Variants in CACNA1I observed in about 807,000 individuals in gnomAD.
CACNA1I encodes the protein voltage-dependent T-type calcium channel subunit alpha-1I.
A neutral mutation model predicts 201.6 loss-of-function variants in CACNA1I; 74 were observed. The observed-to-expected ratio is 0.37, with a 90% confidence interval of 0.30 to 0.45. The LOEUF is 0.45. CACNA1I is among the 20% of genes least tolerant of loss of function. The pLI is 1.00. For synonymous variants in CACNA1I, 1,431 were observed against 1,345.2 expected (o/e 1.06, Z -1.40); for missense variants, 2,346 against 3,138.1 (o/e 0.75, Z 6.03).
rs1020789928 is a variant in CACNA1I, at chr22:39,676,532, G to A, written c.4855-809G>A. 7.9e-5 allele frequency among the ~76,000 whole-genome samples: 12 copies of A among 152,214 alleles called. No individual in the cohort carries two copies. The highest frequency in any genetic ancestry group is 2.9e-4 in the African/African-American group (12 of 41,450). ...TAGCCTTATCTTATCCATAGCATGA[G>A]TTAAAGGTGGTCTCCAATGCATGGA... On this transcript the variant is annotated intron_variant, in intron 29 of 36. Coordinates refer to ENST00000402142, the MANE Select transcript of CACNA1I (RefSeq NM_021096.4). The surrounding 1 kb of genome is among the most constrained non-coding windows in gnomAD (Gnocchi z 4.8).
intron 26 of CACNA1I, among the ~76,000 whole-genome samples, 193 bp downstream of exon 26, chr22:39,671,147 G>A (rs1375165593): frequency 6.6e-6 from 1 of 152,212 alleles, no homozygotes; most frequent in Non-Finnish European, 1.5e-5. Context: ...GAAGCTCAGA[G>A]TCTGGAAGGG....
Position 39,629,106 on chromosome 22 carries a change from C to A in CACNA1I, c.581-5459C>A, listed in dbSNP as rs1390193330. 1.3e-5 allele frequency among the ~76,000 whole-genome samples: 2 copies of A among 152,226 alleles called. No individual in the cohort carries two copies. The highest frequency in any genetic ancestry group is 4.8e-5 in the African/African-American group (2 of 41,540). ...AGCAGAGGCTCTAGCCTAGGGGTCC[C>A]CAAAAAGGGTGAGCAGCTCCATCCA... is the stretch of plus-strand genomic sequence containing the variant. On this transcript the variant is annotated intron_variant, in intron 4 of 36. Transcript: ENST00000402142. This position sits in a 1 kb window ranked among gnomAD's most constrained non-coding sequence, Gnocchi z 4.8.
chr22:39,632,362 C>T (rs1305237076), intron 4 of CACNA1I, among the ~76,000 whole-genome samples: 1 of 152,164 alleles, frequency 6.6e-6, no homozygotes, highest in African/African-American at 2.4e-5. Flanking sequence ...ACCTCCTTGC[C>T]CAGCCACCCA....
At chr22:39,591,985 A>G (rs547821988) in intron 1 of CACNA1I, among the ~76,000 whole-genome samples, 2 of 152,344 alleles carry the variant, frequency 1.3e-5, no homozygotes, top group South Asian at 4.1e-4. Context: ...GGCACACAAT[A>G]TAAGCACATT....
intron 4 of CACNA1I, among the ~76,000 whole-genome samples, chr22:39,630,359 G>A (rs890579811): frequency 3.3e-5 from 5 of 152,180 alleles, no homozygotes; most frequent in East Asian, 1.9e-4. Context: ...TTTCCCTACC[G>A]TACCTGGGAT....
Position 39,648,399 on chromosome 22 carries a change from T to A in CACNA1I, c.1567+473T>A, listed in dbSNP as rs1054850361. Reference sequence around the variant, plus strand: ...GGCTTCCTGCGGCCGCCCAGCCCCCTCTCCTGGCACTCTTGCCCCCTTGCC... The same window carrying A: ...GGCTTCCTGCGGCCGCCCAGCCCCCACTCCTGGCACTCTTGCCCCCTTGCC... On this transcript the variant is annotated intron_variant, in intron 9 of 36. Transcript: ENST00000402142. This position sits in a 1 kb window ranked among gnomAD's most constrained non-coding sequence, Gnocchi z 5.4. Among the ~76,000 whole-genome samples, 1 of 152,020 alleles carries A rather than the reference T, an allele frequency of 6.6e-6. No homozygotes were observed. Among genetic ancestry groups the A allele is most frequent in the Non-Finnish European group, 1.5e-5 (1 of 67,990 alleles).
In CACNA1I at chr22:39,664,766, G is replaced by A. The variant is rs1935134060; in HGVS notation, c.3694G>A (p.Glu1232Lys). Residue 1232 changes from glutamate to lysine, a missense_variant, in exon 21 of 37, where the codon GAG becomes AAG. By Grantham distance (56) the Glu-to-Lys change is moderately conservative (BLOSUM62 1). This residue lies in a region of CACNA1I where 158 missense variants were observed against 231.6 expected (regional missense o/e 0.68). Coordinates refer to ENST00000402142, the MANE Select transcript of CACNA1I (RefSeq NM_021096.4). ...KVVSLGLYFG[E>K]QAYLRSSWNV... ...AGTCTCGCTGGGCCTGTACTTCGGC[G>A]AGCAGGCGTACCTACGCAGCAGCTG... 1.2e-6 allele frequency: 2 copies of A among 1,606,056 alleles called. No individual in the cohort carries two copies. Among genetic ancestry groups the A allele is most frequent in the Non-Finnish European group, 8.5e-7 (1 of 1,177,004 alleles).
In CACNA1I at chr22:39,609,498, C is replaced by T. The variant is rs540560959; in HGVS notation, c.482+8845C>T. ...CTTGTGATTTTCCAGGCCTTTCTTT[C>T]ATGGTCACAAGGCAGCCGGTGAAGC... is the stretch of plus-strand genomic sequence containing the variant. On this transcript the variant is annotated intron_variant, in intron 3 of 36. Coordinates refer to ENST00000402142, the MANE Select transcript of CACNA1I (RefSeq NM_021096.4). 2.0e-5 allele frequency among the ~76,000 whole-genome samples: 3 copies of T among 152,330 alleles called. No homozygotes were observed. In the East Asian group the frequency reaches 5.8e-4, roughly 29 times the overall value.
intron 4 of CACNA1I, among the ~76,000 whole-genome samples, chr22:39,624,566 G>A (rs533282498): frequency 2.0e-5 from 3 of 152,228 alleles, no homozygotes; most frequent in African/African-American, 4.8e-5. Flanking sequence ...GGGAGCACTG[G>A]CCCTCCAGCA....
At chr22:39,620,023 CCA>C (rs1933684080) in intron 4 of CACNA1I, among the ~76,000 whole-genome samples, 1 of 132,636 alleles carries the variant, frequency 7.5e-6, no homozygotes, top group African/African-American at 2.9e-5. Context: ...ATCCATCCAT[CCA>C]TCCATCCATC....
Position 39,684,802 on chromosome 22 carries a change from C to T in CACNA1I, c.6027+304C>T. The T allele has an allele frequency of 1.8e-6, 1 of 566,208 alleles. No individual in the cohort carries two copies. Among genetic ancestry groups the T allele is most frequent in the South Asian group, 2.3e-5 (1 of 43,314 alleles). The allele number at this position is 566,208 out of a possible 1,614,324, so 35.1% of individuals were successfully genotyped here. A position where few individuals can be genotyped will look rare whatever the true frequency, so the allele number is the denominator to read the frequency against. On this transcript the variant is annotated intron_variant, in intron 36 of 36. Coordinates refer to ENST00000402142, the MANE Select transcript of CACNA1I (RefSeq NM_021096.4). The surrounding 1 kb of genome is among the most constrained non-coding windows in gnomAD (Gnocchi z 4.6). ...GGAGGGGAGGAGAGGAGGAGGAGTA[C>T]TGGAGGTTTTGCAGGGTGGCGGGGT...
In CACNA1I at chr22:39,673,080, G is replaced by A. The variant is rs1045204674; in HGVS notation, c.4781G>A (p.Arg1594Gln). Residue 1594 changes from arginine (R) to glutamine (Q), a missense_variant and splice_region_variant, in exon 28 of 37, where the codon CGA becomes CAA. Coordinates refer to ENST00000402142, the MANE Select transcript of CACNA1I (RefSeq NM_021096.4). Reference sequence around the variant, plus strand: ...ATCATGAGGGTTCTGCGCATTGCCCGAGGTGAGGGGCAAGGGGTGGGACAG... The same window carrying A: ...ATCATGAGGGTTCTGCGCATTGCCCAAGGTGAGGGGCAAGGGGTGGGACAG... ...IRIMRVLRIARVLKLLKMATG... is the reference protein window; with the variant it reads ...IRIMRVLRIAQVLKLLKMATG... The A allele has an allele frequency of 8.1e-6, 13 of 1,612,468 alleles. No homozygotes were observed. Among genetic ancestry groups the A allele is most frequent in the Non-Finnish European group, 1.1e-5 (13 of 1,179,132 alleles).
intron 2 of CACNA1I, 41 bp downstream of exon 2, chr22:39,598,303 C>T: frequency 2.1e-6 from 2 of 959,162 alleles, no homozygotes; most frequent in South Asian, 1.6e-5. Flanking sequence ...TGCCCTCATC[C>T]TCCAGGACCC....
intron 3 of CACNA1I, among the ~76,000 whole-genome samples, chr22:39,617,679 G>A (rs80138499): frequency 0.063 from 9,625 of 152,050 alleles, 960 homozygotes; most frequent in African/African-American, 0.21. Flanking sequence ...TCACCCACGC[G>A]CAGAATCCTC....
intron 1 of CACNA1I, among the ~76,000 whole-genome samples, chr22:39,597,876 C>T (rs921329506): frequency 6.6e-6 from 1 of 152,148 alleles, no homozygotes; most frequent in Admixed American, 6.5e-5. Flanking sequence ...CTCTCCCTTC[C>T]CTGGGCCTGA....
intron 10 of CACNA1I, among the ~76,000 whole-genome samples, chr22:39,657,852 C>T (rs995115373): frequency 2.0e-5 from 3 of 152,216 alleles, no homozygotes; most frequent in African/African-American, 7.2e-5. Flanking sequence ...TTTCCTCATC[C>T]GTAAAATGCG....
At chr22:39,624,184 A>G (rs1933835678) in intron 4 of CACNA1I, among the ~76,000 whole-genome samples, 1 of 151,526 alleles carries the variant, frequency 6.6e-6, no homozygotes, top group South Asian at 2.1e-4. Flanking sequence ...GTGTGTGAAG[A>G]GCGTGCGTGC....
At chr22:39,614,040 G>A (rs915827569) in intron 3 of CACNA1I, among the ~76,000 whole-genome samples, 8 of 152,062 alleles carry the variant, frequency 5.3e-5, no homozygotes, top group Non-Finnish European at 1.0e-4. Context: ...TAGAGACAGG[G>A]TTTTGCCATG....
intron 4 of CACNA1I, among the ~76,000 whole-genome samples, chr22:39,630,772 C>T (rs766386959): frequency 4.6e-5 from 7 of 152,240 alleles, no homozygotes; most frequent in Non-Finnish European, 1.0e-4. Context: ...CAAGCATGTG[C>T]AAGGGCACGG....
Sources: gnomAD v4.1 joint callset for allele counts (sites outside exome capture counted in the v4.1 genomes callset) on GRCh38, gnomAD v4.1.1 for gene constraint, gnomAD v4.1.1 regional missense constraint, Gnocchi (gnomAD v3.1) non-coding constraint, MANE v1.5 for transcripts, NCBI Gene and HGNC (gene_info 2026-07-23, HGNC 2026-07-21) for gene names.